EPHA4: variants seen among roughly 807,000 people sequenced by gnomAD.
EPHA4 encodes the protein ephrin type-A receptor 4.
A neutral mutation model predicts 108.3 loss-of-function variants in EPHA4; 19 were observed. That is an observed-to-expected ratio of 0.18 (90% confidence interval 0.12 to 0.26). The LOEUF is 0.26. Ranked by LOEUF, EPHA4 falls within the 10% of genes least tolerant of loss-of-function variation. The pLI, the probability that EPHA4 is intolerant of heterozygous loss-of-function variation, is 1.00. For synonymous variants in EPHA4, 449 were observed against 455.5 expected (o/e 0.99, Z 0.18); for missense variants, 917 against 1,254.0 (o/e 0.73, Z 4.06).
chr2:221,526,771 C>T (rs1293514419), intron 3 of EPHA4, among the ~76,000 whole-genome samples: 2 of 144,544 alleles, frequency 1.4e-5, no homozygotes, highest in East Asian at 4.2e-4. Context: ...TGCTCGAACC[C>T]GGGAGGCAGA....
At chr2:221,569,777 C>T (rs1324794620) in intron 1 of EPHA4, among the ~76,000 whole-genome samples, 2 of 152,040 alleles carry the variant, frequency 1.3e-5, no homozygotes, top group African/African-American at 4.8e-5. Context: ...AGCCGCCATC[C>T]GTGCTCATGC....
At chr2:221,562,620 T>A (rs183368211) in intron 3 of EPHA4, among the ~76,000 whole-genome samples, 1 of 152,310 alleles carries the variant, frequency 6.6e-6, no homozygotes, top group African/African-American at 2.4e-5. Flanking sequence ...GATTGTTCCA[T>A]AGATGAGACC....
chr2:221,564,907 A>T (rs926749802), intron 2 of EPHA4, among the ~76,000 whole-genome samples: 4 of 150,554 alleles, frequency 2.7e-5, no homozygotes, highest in African/African-American at 9.7e-5. Flanking sequence ...AAAAAAAAAA[A>T]AAAAGGCAAT....
chr2:221,446,488 T>C (rs993759052), intron 8 of EPHA4, among the ~76,000 whole-genome samples: 5 of 152,130 alleles, frequency 3.3e-5, no homozygotes, highest in Non-Finnish European at 7.3e-5. Flanking sequence ...ATTTATCTTA[T>C]TGAAGATAAG....
At chr2:221,533,565 A>C (rs1693580597) in intron 3 of EPHA4, among the ~76,000 whole-genome samples, 1 of 152,102 alleles carries the variant, frequency 6.6e-6, no homozygotes, top group Non-Finnish European at 1.5e-5. Context: ...TCCTAAAGTC[A>C]ATACAGCTTC....
intron 1 of EPHA4, among the ~76,000 whole-genome samples, chr2:221,569,863 T>C (rs1400864385): frequency 6.6e-6 from 1 of 152,084 alleles, no homozygotes; most frequent in Non-Finnish European, 1.5e-5. Flanking sequence ...TCAAAGTCAA[T>C]GGAGTTAAAA....
At chr2:221,462,072 A>G (rs988371432) in intron 5 of EPHA4, among the ~76,000 whole-genome samples, 1 of 149,340 alleles carries the variant, frequency 6.7e-6, no homozygotes, top group African/African-American at 2.5e-5. Context: ...GACTTCTTTC[A>G]TAGAGGAGAT....
chr2:221,432,818 A>ATTTTTTTT (rs34200694), intron 14 of EPHA4, among the ~76,000 whole-genome samples: 27 of 89,084 alleles, frequency 3.0e-4, no homozygotes, highest in Non-Finnish European at 5.0e-4. Context: ...AAATCTTTGT[A>ATTTTTTTT]TTTTTTTTTT....
At chr2:221,553,214 T>C (rs114160480) in intron 3 of EPHA4, among the ~76,000 whole-genome samples, 368 of 152,318 alleles carry the variant, frequency 2.4e-3, no homozygotes, top group African/African-American at 8.5e-3. Context: ...GTAAAATTCA[T>C]TCATCAAAAG....
At chr2:221,469,284 T>A (rs1037949122) in intron 5 of EPHA4, among the ~76,000 whole-genome samples, 2 of 152,172 alleles carry the variant, frequency 1.3e-5, no homozygotes, top group Admixed American at 1.3e-4. Flanking sequence ...CATTTACAGC[T>A]TTTGTTATAA....
chr2:221,506,473 G>C (rs1692633623), intron 3 of EPHA4, among the ~76,000 whole-genome samples: 1 of 152,192 alleles, frequency 6.6e-6, no homozygotes, highest in East Asian at 1.9e-4. Flanking sequence ...CAAAGGTTAA[G>C]GGTTTGCCCA....
intron 4 of EPHA4, among the ~76,000 whole-genome samples, chr2:221,495,409 G>A (rs1692268759): frequency 6.6e-6 from 1 of 152,160 alleles, no homozygotes; most frequent in African/African-American, 2.4e-5. Flanking sequence ...AGTAGCTTCA[G>A]CCTCACCTGG....
chr2:221,495,001 C>CAAAA (rs5838887), intron 4 of EPHA4, among the ~76,000 whole-genome samples: 25 of 85,496 alleles, frequency 2.9e-4, no homozygotes, highest in African/African-American at 1.1e-3. Context: ...GCAATGTTGC[C>CAAAA]AAAAAAAAAA....
chr2:221,445,014 TCCCAAAGTGCTAGGATTACAG>T (rs1690549694), intron 9 of EPHA4, among the ~76,000 whole-genome samples: 1 of 152,132 alleles, frequency 6.6e-6, no homozygotes, highest in African/African-American at 2.4e-5. Context: ...CTCCTTGGCC[TCCCAAAGTGCTAGGATTACAG>T]GCATAAGCCA....
chr2:221,457,837 G>A, intron 6 of EPHA4, 29 bp downstream of exon 6: 1 of 1,602,486 alleles, frequency 6.2e-7, no homozygotes, highest in East Asian at 2.2e-5. Flanking sequence ...AGGAAGAAAG[G>A]AAAGGAGTGT....
At chr2:221,482,966 C>T (rs1691873256) in intron 4 of EPHA4, among the ~76,000 whole-genome samples, 1 of 152,208 alleles carries the variant, frequency 6.6e-6, no homozygotes, top group Non-Finnish European at 1.5e-5. Flanking sequence ...GCTCCAAGCC[C>T]AGGCTTTCCC....
chr2:221,456,048 G>C (rs920540284), intron 7 of EPHA4, among the ~76,000 whole-genome samples: 4 of 151,986 alleles, frequency 2.6e-5, no homozygotes, highest in African/African-American at 9.7e-5. Flanking sequence ...TGATTACCGG[G>C]ATGGAGGTAT....
chr2:221,572,504 C>A (rs879465172), upstream of EPHA4: 284 of 147,762 alleles, frequency 1.9e-3, 1 homozygote, highest in Middle Eastern at 4.1e-3. Context: ...CTCTAGGGGG[C>A]GAGCACGGCC....
At position 221,420,548 on chromosome 2, in the gene EPHA4, A is replaced by G. The variant is rs114022440; in HGVS notation, c.*824T>C. On this transcript the variant is annotated 3_prime_UTR_variant, in exon 18 of 18. Coordinates refer to ENST00000281821, the MANE Select transcript of EPHA4 (RefSeq NM_004438.5). ...CTGTGAGGCCAAGATAGCAGAATCT[A>G]CTCCCTGTAGATAAAAGAGCAAGAC... 0.026 allele frequency: 3,956 copies of G among 152,296 alleles called. 82 individuals carry two copies. The highest frequency in any genetic ancestry group is 0.065 in the Middle Eastern group (19 of 294). 9.4% of individuals were successfully genotyped at this position (152,296 alleles called of 1,614,324 possible). A position where few individuals can be genotyped will look rare whatever the true frequency, so the allele number is the denominator to read the frequency against.
Sources: allele counts gnomAD v4.1 joint callset (sites outside exome capture counted in the v4.1 genomes callset), GRCh38; gene constraint gnomAD v4.1.1; transcripts MANE v1.5; gene names NCBI Gene and HGNC (gene_info 2026-07-23, HGNC 2026-07-21).